ZSWIM4: variants seen among roughly 807,000 people sequenced by gnomAD.
ZSWIM4 encodes the protein zinc finger SWIM domain-containing protein 4.
Under a neutral mutation model 102.5 loss-of-function variants are expected in ZSWIM4, and 62 were observed. The ratio of observed to expected loss-of-function variants is 0.60; its 90% CI spans 0.49 to 0.75. The LOEUF is 0.75. ZSWIM4 is among the 30% of genes least tolerant of loss of function. ZSWIM4 has a pLI of 0.00. For synonymous variants in ZSWIM4, 652 were observed against 674.5 expected (o/e 0.97, Z 0.52); for missense variants, 1,280 against 1,529.6 (o/e 0.84, Z 2.72).
rs1181423859 is a variant in ZSWIM4, at chr19:13,809,267, C to T, written c.1012+47C>T. 2.4e-5 allele frequency: 37 copies of T among 1,551,788 alleles called. No homozygotes were observed. Among genetic ancestry groups the T allele is most frequent in the Non-Finnish European group, 3.0e-5 (34 of 1,150,688 alleles). ...GTGGTGGACACCGGGACTTCGGCTC[C>T]CATGGGGGCTGGCCCACTCCAAGAT... On this transcript the variant is annotated intron_variant, in intron 5 of 13. Transcript: ENST00000590508. This position sits in a 1 kb window ranked among gnomAD's most constrained non-coding sequence, Gnocchi z 4.2.
At chr19:13,797,182 G>C (rs1412818596) in intron 1 of ZSWIM4, among the ~76,000 whole-genome samples, 1 of 152,208 alleles carries the variant, frequency 6.6e-6, no homozygotes, top group African/African-American at 2.4e-5. Context: ...CCCTTTGGCA[G>C]TTGTTCTTGT....
rs768758572 is a variant in ZSWIM4, at chr19:13,830,464, C to T, written c.2735C>T (p.Ala912Val). 3.1e-6 allele frequency: 5 copies of T among 1,603,778 alleles called. No individual in the cohort carries two copies. Among genetic ancestry groups the T allele is most frequent in the Non-Finnish European group, 4.2e-6 (5 of 1,179,754 alleles). ...FEAAYQIVLDAAAGGLGHAHL... is the reference protein window; with the variant it reads ...FEAAYQIVLDVAAGGLGHAHL... ...GCGGCCTACCAGATCGTGCTGGACGCGGCGGCCGGCGGCCTGGGCCACGCC... is the reference window on the plus strand; with the variant it reads ...GCGGCCTACCAGATCGTGCTGGACGTGGCGGCCGGCGGCCTGGGCCACGCC... The change falls in exon 14 of 14, where the codon GCG becomes GTG. Residue 912 changes from alanine to valine, a missense_variant. Ala to Val is a moderately conservative substitution (Grantham distance 64). Coordinates refer to ENST00000590508, the MANE Select transcript of ZSWIM4 (RefSeq NM_001367834.3).
At chr19:13,820,866 A>G (rs1350564198) in intron 10 of ZSWIM4, among the ~76,000 whole-genome samples, 2 of 152,022 alleles carry the variant, frequency 1.3e-5, no homozygotes, top group Non-Finnish European at 2.9e-5. Context: ...AGGACACGTC[A>G]TAAAAGAACC....
chr19:13,800,733 C>T (rs1974748633), intron 2 of ZSWIM4, among the ~76,000 whole-genome samples: 1 of 152,118 alleles, frequency 6.6e-6, no homozygotes, highest in Non-Finnish European at 1.5e-5. Context: ...AGCAAAAGCT[C>T]AAGGATCACC....
rs772574911 is a variant in ZSWIM4 at position 13,825,638 on chromosome 19, C to T, written c.2304C>T (p.Ala768=). ...PALLFKLAQD[A]CKTATPVSAP... ...TGCTCTTTAAGCTGGCGCAGGACGC[C>T]TGCAAGACAGCCACCCCGGTCAGCG... The change falls in exon 12 of 14, where the codon GCC becomes GCT. Residue 768 remains alanine (A), a synonymous_variant. Coordinates refer to ENST00000590508, the MANE Select transcript of ZSWIM4 (RefSeq NM_001367834.3). This position sits in a 1 kb window ranked among gnomAD's most constrained non-coding sequence, Gnocchi z 4.6. The T allele has an allele frequency of 1.3e-5, 21 of 1,613,918 alleles. No homozygotes were observed. Among genetic ancestry groups the T allele is most frequent in the Non-Finnish European group, 1.8e-5 (21 of 1,180,044 alleles).
intron 9 of ZSWIM4, among the ~76,000 whole-genome samples, chr19:13,819,019 C>A (rs1975385865): frequency 6.6e-6 from 1 of 152,056 alleles, no homozygotes; most frequent in African/African-American, 2.4e-5. Flanking sequence ...CCTGCCACCA[C>A]ACCTGGCTAA....
chr19:13,800,804 C>T (rs1001134923), intron 2 of ZSWIM4, among the ~76,000 whole-genome samples: 1 of 152,012 alleles, frequency 6.6e-6, no homozygotes, highest in African/African-American at 2.4e-5. Flanking sequence ...GAACCAGAAA[C>T]AGGGGAGGAG....
chr19:13,803,553 G>A (rs903781973), intron 2 of ZSWIM4, among the ~76,000 whole-genome samples: 5 of 150,894 alleles, frequency 3.3e-5, no homozygotes, highest in Non-Finnish European at 5.9e-5. Flanking sequence ...AGGCCGAGGC[G>A]GGTGGATCAC....
chr19:13,803,131 C>T (rs558987633), intron 2 of ZSWIM4, among the ~76,000 whole-genome samples: 5 of 152,346 alleles, frequency 3.3e-5, no homozygotes, highest in South Asian at 2.1e-4. Context: ...GATGCCCCGT[C>T]GGCTCTATCT....
intron 2 of ZSWIM4, 24 bp from the exon 3 acceptor site, chr19:13,804,768 G>A: frequency 6.5e-7 from 1 of 1,547,154 alleles, no homozygotes; most frequent in East Asian, 2.3e-5. Context: ...TGACACGGAT[G>A]CGACAGTTTG....
chr19:13,816,530 G>A (rs2145333748), intron 7 of ZSWIM4, among the ~76,000 whole-genome samples: 1 of 152,266 alleles, frequency 6.6e-6, no homozygotes, highest in African/African-American at 2.4e-5. Flanking sequence ...AGGACACTGA[G>A]GCAGGAGAAT....
chr19:13,814,919 G>A, intron 7 of ZSWIM4, 54 bp downstream of exon 7: 1 of 1,091,730 alleles, frequency 9.2e-7, no homozygotes, highest in Non-Finnish European at 1.2e-6. Flanking sequence ...CACATTGGGA[G>A]TCCGAGGTGG....
Position 13,828,518 on chromosome 19 carries a change from A to G in ZSWIM4, c.2380-127A>G, listed in dbSNP as rs193050380. 3.6e-3 allele frequency: 2,430 copies of G among 673,320 alleles called. 6 individuals are homozygous for G. Among genetic ancestry groups the G allele is most frequent in the Non-Finnish European group, 5.2e-3 (1,991 of 382,872 alleles). The allele number at this position is 673,320 out of a possible 1,614,324, so 41.7% of individuals were successfully genotyped here. On this transcript the variant is annotated intron_variant, in intron 12 of 13. Transcript: ENST00000590508. ...AATTGAGGCCCAGAAAGTTGAGATC[A>G]CTTACCCGGGTTCATTGGATCAGCT...
At chr19:13,811,653 A>G (rs1250219357) in intron 5 of ZSWIM4, among the ~76,000 whole-genome samples, 2 of 152,176 alleles carry the variant, frequency 1.3e-5, no homozygotes, top group East Asian at 3.9e-4. Flanking sequence ...AGACGACATG[A>G]TGAGACCCTG....
At position 13,817,187 on chromosome 19, in the gene ZSWIM4, G is replaced by A. The variant is rs752465746; in HGVS notation, c.1532-29G>A. ...TCCTAGAGACTTGGGCAGGTGTGTG[G>A]GCATTGAGCCCCCTCTTTCCACCTG... is the stretch of plus-strand genomic sequence containing the variant. On this transcript the variant is annotated intron_variant, in intron 7 of 13. Coordinates refer to ENST00000590508, the MANE Select transcript of ZSWIM4 (RefSeq NM_001367834.3). The A allele has an allele frequency of 6.9e-6, 11 of 1,596,662 alleles. No homozygotes were observed. In the Middle Eastern group the frequency reaches 5.0e-4, roughly 72 times the overall value.
At chr19:13,802,446 G>A (rs556309948) in intron 2 of ZSWIM4, among the ~76,000 whole-genome samples, 21 of 151,882 alleles carry the variant, frequency 1.4e-4, no homozygotes, top group Non-Finnish European at 2.9e-4. Flanking sequence ...CAGGTGTGGT[G>A]GCACATGCCT....
intron 2 of ZSWIM4, among the ~76,000 whole-genome samples, chr19:13,800,291 A>G (rs2145254696): frequency 5.7e-5 from 4 of 70,548 alleles, no homozygotes; most frequent in African/African-American, 1.1e-4. Context: ...TTTGAGACGG[A>G]GTCTCGCTTT....
chr19:13,813,079 G>A lies in ZSWIM4; in HGVS notation c.1095G>A (p.Trp365Ter). 1 of 1,613,980 alleles carries A rather than the reference G, an allele frequency of 6.2e-7. No individual in the cohort carries two copies. The highest frequency in any genetic ancestry group is 1.1e-5 in the South Asian group (1 of 91,070). ...RAGWLQLLSR[W>*]DKLDVCPLEE... The stretch of plus-strand genomic sequence containing the variant: ...GCTGGCTCCAGCTACTCAGCAGGTG[G>A]GACAAGCTCGACGTCTGCCCACTGG... Residue 365 changes from tryptophan (W) to a stop codon, truncating the protein, a stop_gained, in exon 6 of 14, where the codon TGG becomes TGA. Coordinates refer to ENST00000590508, the MANE Select transcript of ZSWIM4 (RefSeq NM_001367834.3). LOFTEE classifies it high-confidence loss of function.
chr19:13,799,830 G>C lies in ZSWIM4; in HGVS notation c.264G>C (p.Pro88=). ...GTATGTACTCGTCGCTGGGTTACCC[G>C]CCCCCAGAGGGCGAGCACGATGCCC... is the stretch of plus-strand genomic sequence containing the variant. The part of the protein sequence containing the change: ...EICMYSSLGY[P]PPEGEHDARV... Residue 88 remains proline (P), a synonymous_variant, in exon 2 of 14, where the codon CCG becomes CCC. Transcript: ENST00000590508. 1.9e-6 allele frequency: 3 copies of C among 1,613,896 alleles called. No homozygotes were observed. The African/African-American group carries it at 4.0e-5, about 22-fold the overall frequency.
Sources: gnomAD v4.1 joint callset for allele counts (sites outside exome capture counted in the v4.1 genomes callset) on GRCh38, gnomAD v4.1.1 for gene constraint, Gnocchi (gnomAD v3.1) non-coding constraint, MANE v1.5 for transcripts, NCBI Gene and HGNC (gene_info 2026-07-23, HGNC 2026-07-21) for gene names.